The following SLC26A8 variants were observed in gnomAD, a reference collection of about 807,000 sequenced individuals.
SLC26A8 encodes testis anion transporter 1.
Under a neutral mutation model 105.0 loss-of-function variants are expected in SLC26A8, and 70 were observed. That is an observed-to-expected ratio of 0.67 (90% CI 0.55 to 0.81). The LOEUF is 0.81. SLC26A8 is among the 40% of genes least tolerant of loss of function. The probability of loss-of-function intolerance (pLI) is 0.00; values close to 1 mark genes in which losing one functional copy is unlikely to be tolerated. For missense variants in SLC26A8, 998 were observed against 1,181.8 expected (o/e 0.84, Z 2.28); for synonymous variants, 415 against 438.3 (o/e 0.95, Z 0.66).
chr6:36,012,128 A>G (rs920576522), intron 3 of SLC26A8, 105 bp downstream of exon 3: 20 of 1,437,828 alleles, frequency 1.4e-5, no homozygotes, highest in Non-Finnish European at 1.8e-5. Flanking sequence ...AATAAAATTC[A>G]ATATTTTTTT....
intron 7 of SLC26A8, among the ~76,000 whole-genome samples, chr6:35,983,228 G>C (rs913278165): frequency 6.6e-5 from 10 of 152,142 alleles, no homozygotes; most frequent in African/African-American, 2.4e-4. Context: ...TTACAGCTTG[G>C]ATCAGAGAAG....
chr6:35,954,920 G>T, intron 17 of SLC26A8: 1 of 448,560 alleles, frequency 2.2e-6, no homozygotes. Context: ...ACTCCAGCCT[G>T]GGCAACAGAG....
intron 17 of SLC26A8, 121 bp downstream of exon 17, chr6:35,955,031 T>C (rs1181020878): frequency 7.0e-6 from 8 of 1,143,202 alleles, no homozygotes; most frequent in African/African-American, 3.1e-5. Flanking sequence ...TCCAAGGCTC[T>C]GGTGGCCTAG....
intron 3 of SLC26A8, among the ~76,000 whole-genome samples, chr6:36,003,626 TTTGG>T (rs1761590229): frequency 6.6e-6 from 1 of 151,972 alleles, no homozygotes; most frequent in African/African-American, 2.4e-5. Flanking sequence ...GATTCCTTAT[TTTGG>T]CGTTTATGAT....
At chr6:35,975,352 G>A (rs774424177) in intron 10 of SLC26A8, 23 bp downstream of exon 10, 3 of 1,360,494 alleles carry the variant, frequency 2.2e-6, no homozygotes, top group Middle Eastern at 3.6e-4. Context: ...ATGTATTAGA[G>A]ATCAAATTGT....
At chr6:35,994,111 C>CTTTTTTTTTTTTTTTTTTTT (rs759838239) in intron 5 of SLC26A8, among the ~76,000 whole-genome samples, 1 of 118,512 alleles carries the variant, frequency 8.4e-6, no homozygotes. Flanking sequence ...CTTTTTTTTT[C>CTTTTTTTTTTTTTTTTTTTT]TTTTCTTTTT....
chr6:35,966,857 G>T (rs962827817), intron 11 of SLC26A8, among the ~76,000 whole-genome samples: 4 of 152,122 alleles, frequency 2.6e-5, no homozygotes, highest in African/African-American at 9.7e-5. Flanking sequence ...CTAGCCAAAA[G>T]CAAGGGCTGT....
At chr6:36,024,053 G>A (rs1407684343) in intron 1 of SLC26A8, among the ~76,000 whole-genome samples, 3 of 149,756 alleles carry the variant, frequency 2.0e-5, no homozygotes, top group Non-Finnish European at 4.4e-5. Context: ...AACGGCATTT[G>A]ACATGAAAAG....
At chr6:35,966,871 G>A (rs1772537232) in intron 11 of SLC26A8, among the ~76,000 whole-genome samples, 1 of 152,196 alleles carries the variant, frequency 6.6e-6, no homozygotes, top group Middle Eastern at 3.4e-3. Context: ...GGGCTGTTCT[G>A]TCCCCAACGT....
chr6:35,976,661 C>T (rs1328687644), intron 9 of SLC26A8, among the ~76,000 whole-genome samples: 3 of 151,182 alleles, frequency 2.0e-5, no homozygotes, highest in Admixed American at 6.6e-5. Context: ...CTGCCTCTGC[C>T]TCCCGAGTAG....
chr6:35,976,757 G>A, intron 9 of SLC26A8, among the ~76,000 whole-genome samples: 1 of 151,808 alleles, frequency 6.6e-6, no homozygotes, highest in Non-Finnish European at 1.5e-5. Flanking sequence ...TGTTAGCCAG[G>A]ATGGTCTTGA....
chr6:35,977,527 G>A (rs1226188425), intron 8 of SLC26A8, among the ~76,000 whole-genome samples, 176 bp from the exon 9 acceptor site: 3 of 151,662 alleles, frequency 2.0e-5, no homozygotes, highest in Admixed American at 6.6e-5. Flanking sequence ...ACCAAGCCAA[G>A]TTATGAAAGC....
Position 35,951,227 on chromosome 6 carries a change from G to A in SLC26A8, c.2408C>T (p.Ser803Phe). The A allele has an allele frequency of 6.2e-7, 1 of 1,614,026 alleles. No individual in the cohort carries two copies. ...GGATTCATCGATGCTTAACTCAGAG[G>A]AGCCTATGACCTTCCTTGACAAGGC... ...LFALSRKVIG[S>F]SELSIDESET... Residue 803 changes from serine to phenylalanine, a missense_variant, in exon 19 of 20, where the codon TCC (serine) becomes TTC (phenylalanine). Physicochemically the swap from Ser to Phe is radical, Grantham distance 155. Transcript: ENST00000490799.
chr6:35,976,922 A>C (rs1046277975), intron 9 of SLC26A8, among the ~76,000 whole-genome samples: 3 of 152,158 alleles, frequency 2.0e-5, no homozygotes, highest in African/African-American at 7.2e-5. Context: ...TGGTAGAAAG[A>C]AAGCTAAAAT....
chr6:35,965,760 G>A (rs188387584), intron 11 of SLC26A8, among the ~76,000 whole-genome samples: 119 of 151,908 alleles, frequency 7.8e-4, no homozygotes, highest in African/African-American at 2.5e-3. Context: ...GGAGGCTGAG[G>A]TGGGTGGATC....
intron 11 of SLC26A8, among the ~76,000 whole-genome samples, chr6:35,965,506 C>A (rs1210047189): frequency 6.6e-6 from 1 of 151,160 alleles, no homozygotes; most frequent in African/African-American, 2.4e-5. Flanking sequence ...ATGGAGAAAC[C>A]CCGTCTCTAC....
intron 3 of SLC26A8, among the ~76,000 whole-genome samples, chr6:36,003,659 CTTT>C (rs567252377): frequency 0.013 from 1,400 of 104,398 alleles, 16 homozygotes; most frequent in African/African-American, 0.042. Context: ...CTTTTCTTTT[CTTT>C]TTTTCTTTTT....
intron 19 of SLC26A8, among the ~76,000 whole-genome samples, chr6:35,946,505 G>A (rs1049343802): frequency 6.6e-6 from 1 of 152,062 alleles, no homozygotes; most frequent in South Asian, 2.1e-4. Flanking sequence ...CAAAGTGCTA[G>A]GATTACAGGC....
chr6:35,989,091 C>T (rs973519957), intron 7 of SLC26A8, among the ~76,000 whole-genome samples: 5 of 152,084 alleles, frequency 3.3e-5, no homozygotes, highest in East Asian at 1.9e-4. Flanking sequence ...CCACCCACCT[C>T]GGCCTCCCAA....
Sources: gnomAD v4.1 joint callset for allele counts (sites outside exome capture counted in the v4.1 genomes callset) on GRCh38, gnomAD v4.1.1 for gene constraint, MANE v1.5 for transcripts, NCBI Gene and HGNC (gene_info 2026-07-23, HGNC 2026-07-21) for gene names.